Variants in CLDN14 observed in about 807,000 individuals in gnomAD.
CLDN14 encodes the protein claudin-14.
A neutral mutation model predicts 2.1 loss-of-function variants in CLDN14; 2 were observed. The observed-to-expected ratio is 0.96, with a 90% CI of 0.39 to 3.01. The LOEUF is 3.01. CLDN14 is among the 30% of genes most tolerant of loss of function. The pLI, the probability that CLDN14 is intolerant of heterozygous loss-of-function variation, is 0.09. For missense variants in CLDN14, 298 were observed against 328.0 expected, an observed-to-expected ratio of 0.91 and a Z score of 0.71; for synonymous variants, 136 against 154.4, an observed-to-expected ratio of 0.88 and a Z score of 0.88.
In CLDN14 at chr21:36,499,451, A is replaced by G. The variant is rs1204421091; in HGVS notation, c.-82+10912T>C. On this transcript the variant is annotated intron_variant, in intron 2 of 2. Coordinates refer to the CLDN14 transcript ENST00000342108. This position sits in a 1 kb window ranked among gnomAD's most constrained non-coding sequence, Gnocchi z 4.7. ...GGTTCCTACAGAGAGTTATGAATGG[A>G]GGATTGAGTGCATTTAGGCTATTAG... Among the ~76,000 whole-genome samples, 1 of 152,128 alleles carries G rather than the reference A, an allele frequency of 6.6e-6. No homozygotes were observed. The highest frequency in any genetic ancestry group is 1.5e-5 in the Non-Finnish European group (1 of 68,034).
chr21:36,490,755 G>A (rs1020386940), intron 2 of CLDN14, among the ~76,000 whole-genome samples: 1 of 152,032 alleles, frequency 6.6e-6, no homozygotes, highest in Admixed American at 6.6e-5. Flanking sequence ...GGCTGGTCTC[G>A]AACTCTTGGC....
At chr21:36,543,360 A>G (rs1012926112) in intron 1 of CLDN14, among the ~76,000 whole-genome samples, 1 of 152,238 alleles carries the variant, frequency 6.6e-6, no homozygotes, top group Non-Finnish European at 1.5e-5. Context: ...GAGACAGACA[A>G]TTAGAAAAAG....
intron 1 of CLDN14, among the ~76,000 whole-genome samples, chr21:36,533,738 G>A (rs1408442083): frequency 2.0e-5 from 3 of 152,134 alleles, no homozygotes; most frequent in South Asian, 2.1e-4. Context: ...ACTAATGCAG[G>A]AACAGAAAAC....
At chr21:36,571,508 C>T (rs1208894071) in intron 1 of CLDN14, among the ~76,000 whole-genome samples, 1 of 152,144 alleles carries the variant, frequency 6.6e-6, no homozygotes, top group Non-Finnish European at 1.5e-5. Context: ...CCCAAGCGAA[C>T]GTGCCCTTCA....
At chr21:36,560,184 T>C (rs2087624302) in intron 1 of CLDN14, among the ~76,000 whole-genome samples, 1 of 151,938 alleles carries the variant, frequency 6.6e-6, no homozygotes, top group Admixed American at 6.6e-5. Flanking sequence ...ATACACATTT[T>C]ACGTTAGTCA....
intron 1 of CLDN14, among the ~76,000 whole-genome samples, chr21:36,545,917 C>T (rs1315317827): frequency 6.6e-6 from 1 of 152,196 alleles, no homozygotes; most frequent in Non-Finnish European, 1.5e-5. Context: ...GGACCCAGGA[C>T]TTCACCAAGG....
chr21:36,544,212 C>T lies in CLDN14; in HGVS notation c.-220+32199G>A, dbSNP rs547988464. On this transcript the variant is annotated intron_variant, in intron 1 of 2. Transcript: ENST00000342108. The surrounding 1 kb of genome is among the most constrained non-coding windows in gnomAD (Gnocchi z 4.1). ...GATCACACTACACCTTGGGCAGGTC[C>T]TTGCCCTGGGCCCCCTCTGCTGCCA... is the stretch of plus-strand genomic sequence containing the variant. 2.6e-5 allele frequency among the ~76,000 whole-genome samples: 4 copies of T among 152,348 alleles called. No homozygotes were observed. The East Asian group carries it at 7.7e-4, about 29-fold the overall frequency.
chr21:36,527,648 C>T (rs2087344431), intron 1 of CLDN14, among the ~76,000 whole-genome samples: 2 of 152,102 alleles, frequency 1.3e-5, no homozygotes, highest in South Asian at 4.1e-4. Flanking sequence ...GTTGTACCTG[C>T]ACTAAAGATA....
upstream of CLDN14, among the ~76,000 whole-genome samples, chr21:36,484,678 C>T (rs1282528466): frequency 6.6e-6 from 1 of 152,152 alleles, no homozygotes. Flanking sequence ...TATAAGGACA[C>T]CTGTCAGATT....
At chr21:36,563,461 A>G (rs922676029) in intron 1 of CLDN14, among the ~76,000 whole-genome samples, 1 of 152,092 alleles carries the variant, frequency 6.6e-6, no homozygotes, top group Admixed American at 6.5e-5. Flanking sequence ...TGCTGTAAAC[A>G]TGGGTCTGAG....
rs79279227 is a variant in CLDN14 at position 36,565,961 on chromosome 21, T to C, written c.-220+10450A>G. Among the ~76,000 whole-genome samples, 405 of 152,338 alleles carry C rather than the reference T, an allele frequency of 2.7e-3. 3 individuals carry two copies. The highest frequency in any genetic ancestry group is 9.2e-3 in the African/African-American group (381 of 41,582). The stretch of plus-strand genomic sequence containing the variant: ...TACTTTCTATAAATCTTTTGTCCTT[T>C]TTACAGTTATTTTTTAGTCTAGTTT... On this transcript the variant is annotated intron_variant, in intron 1 of 2. Transcript: ENST00000342108.
rs577592745 is a variant in CLDN14 at position 36,505,043 on chromosome 21, A to G, written c.-82+5320T>C. ...AGAATCACTTTTTCAGCAAAACAAT[A>G]CAAGCTTTAGGGCCAAAAGGAAGCC... On this transcript the variant is annotated intron_variant, in intron 2 of 2. Coordinates refer to the CLDN14 transcript ENST00000342108. Among the ~76,000 whole-genome samples the G allele has an allele frequency of 3.3e-5, 5 of 152,252 alleles. No homozygotes were observed. In the East Asian group the frequency reaches 9.6e-4, roughly 29 times the overall value.
chr21:36,504,931 G>T (rs1443149943), intron 2 of CLDN14, among the ~76,000 whole-genome samples: 2 of 152,198 alleles, frequency 1.3e-5, no homozygotes, highest in African/African-American at 4.8e-5. Context: ...ACTGGGTCCT[G>T]AGCTTGAAGC....
intron 1 of CLDN14, among the ~76,000 whole-genome samples, chr21:36,543,391 T>G (rs2087505702): frequency 6.6e-6 from 1 of 151,998 alleles, no homozygotes; most frequent in African/African-American, 2.4e-5. Flanking sequence ...ATAACATAGT[T>G]CCCGTATGAA....
At chr21:36,513,887 A>C (rs975198238) in intron 1 of CLDN14, among the ~76,000 whole-genome samples, 4 of 152,146 alleles carry the variant, frequency 2.6e-5, no homozygotes, top group African/African-American at 7.2e-5. Context: ...GCTGGGGTGC[A>C]GTGGCACGAC....
intron 2 of CLDN14, among the ~76,000 whole-genome samples, chr21:36,509,509 C>T (rs1248577039): frequency 6.6e-6 from 1 of 152,180 alleles, no homozygotes; most frequent in African/African-American, 2.4e-5. Flanking sequence ...GGGCAGAGTC[C>T]CTGTTGAGAG....
chr21:36,541,725 A>T (rs1322611564), intron 1 of CLDN14, among the ~76,000 whole-genome samples: 1 of 152,234 alleles, frequency 6.6e-6, no homozygotes, highest in Non-Finnish European at 1.5e-5. Context: ...AATGCCCGGT[A>T]GAATGGACTA....
chr21:36,521,779 C>T (rs954058375), intron 1 of CLDN14, among the ~76,000 whole-genome samples: 2 of 152,118 alleles, frequency 1.3e-5, no homozygotes, highest in African/African-American at 4.8e-5. Context: ...CTTGTGTCAG[C>T]TGATGGGGAC....
chr21:36,550,893 T>A, intron 1 of CLDN14, among the ~76,000 whole-genome samples: 1 of 152,206 alleles, frequency 6.6e-6, no homozygotes, highest in East Asian at 1.9e-4. Flanking sequence ...GAATGTGGCC[T>A]TATTTGGAAA....
Sources: gnomAD v4.1 joint callset for allele counts (sites outside exome capture counted in the v4.1 genomes callset) on GRCh38, gnomAD v4.1.1 for gene constraint, Gnocchi (gnomAD v3.1) non-coding constraint, MANE v1.5 for transcripts, NCBI Gene and HGNC (gene_info 2026-07-23, HGNC 2026-07-21) for gene names.